SBF2: variants seen among roughly 807,000 people sequenced by gnomAD.
SBF2 encodes SET binding factor 2.
SBF2 carries 112 observed loss-of-function variants against 225.2 expected under a neutral mutation model. The observed-to-expected ratio is 0.50, with a 90% CI of 0.43 to 0.58. SBF2 has a LOEUF of 0.58. Among genes scored for constraint, SBF2 ranks in the 20% least tolerant of loss-of-function variants. The probability of loss-of-function intolerance (pLI) is 0.00; values close to 1 mark genes in which losing one functional copy is unlikely to be tolerated. For missense variants in SBF2, 1,996 were observed against 2,206.2 expected (o/e 0.90, Z 1.91); for synonymous variants, 763 against 773.3 (o/e 0.99, Z 0.22).
At chr11:9,878,172 T>C (rs1178912206) in intron 17 of SBF2, among the ~76,000 whole-genome samples, 1 of 152,244 alleles carries the variant, frequency 6.6e-6, no homozygotes, top group Non-Finnish European at 1.5e-5. Flanking sequence ...TTTTCATGTG[T>C]CTGTTGGCTG....
intron 1 of SBF2, among the ~76,000 whole-genome samples, chr11:10,230,058 C>G (rs1958763748): frequency 1.3e-5 from 2 of 152,188 alleles, no homozygotes; most frequent in South Asian, 4.1e-4. Context: ...ATCCCTTTAC[C>G]ATTATGTAAT....
chr11:10,256,482 T>C (rs975281019), intron 1 of SBF2, among the ~76,000 whole-genome samples: 10 of 152,238 alleles, frequency 6.6e-5, no homozygotes, highest in Non-Finnish European at 1.5e-4. Context: ...CTGATGCCAG[T>C]TCCTGGTCCA....
intron 1 of SBF2, among the ~76,000 whole-genome samples, chr11:10,239,149 A>G (rs1397290512): frequency 6.6e-6 from 1 of 150,636 alleles, no homozygotes; most frequent in Non-Finnish European, 1.5e-5. Flanking sequence ...GTATGTGAAT[A>G]TATATAAACC....
chr11:10,162,312 G>C (rs17359113), intron 2 of SBF2, among the ~76,000 whole-genome samples: 33,587 of 151,938 alleles, frequency 0.22, 4,290 homozygotes, highest in Non-Finnish European at 0.3. Flanking sequence ...GATAACTAGT[G>C]GAACTAACCG....
intron 28 of SBF2, among the ~76,000 whole-genome samples, chr11:9,821,206 C>T (rs1251466377): frequency 1.3e-5 from 2 of 152,106 alleles, no homozygotes; most frequent in East Asian, 3.8e-4. Flanking sequence ...TTCTCGTATC[C>T]ATGCTGAGAG....
chr11:10,089,000 T>C (rs532753820), intron 2 of SBF2, among the ~76,000 whole-genome samples: 193 of 152,298 alleles, frequency 1.3e-3, no homozygotes, highest in Admixed American at 2.7e-3. Context: ...CCATTGCTTA[T>C]GAAAATACTG....
At chr11:9,993,389 T>C (rs1185586380) in intron 10 of SBF2, among the ~76,000 whole-genome samples, 1 of 102,286 alleles carries the variant, frequency 9.8e-6, no homozygotes, top group Admixed American at 1.0e-4. Context: ...TAAGTATATG[T>C]GTTCAGCTCC....
chr11:10,206,620 G>GA (rs1382621766), intron 1 of SBF2, among the ~76,000 whole-genome samples: 2 of 151,886 alleles, frequency 1.3e-5, no homozygotes, highest in Non-Finnish European at 2.9e-5. Context: ...TGAAACAAAT[G>GA]AAAAATAGAA....
At chr11:10,259,704 C>T (rs2135509173) in intron 1 of SBF2, among the ~76,000 whole-genome samples, 1 of 152,112 alleles carries the variant, frequency 6.6e-6, no homozygotes, top group Non-Finnish European at 1.5e-5. Flanking sequence ...CCAGATATAC[C>T]TTATCTAAAG....
At chr11:9,968,034 A>G (rs1232446798) in intron 14 of SBF2, among the ~76,000 whole-genome samples, 1 of 150,334 alleles carries the variant, frequency 6.7e-6, no homozygotes, top group African/African-American at 2.4e-5. Flanking sequence ...TAATGGTTGA[A>G]TGAGTCTGTA....
At chr11:9,929,155 A>T (rs1382187578) in intron 16 of SBF2, 1 of 233,880 alleles carries the variant, frequency 4.3e-6, no homozygotes, top group East Asian at 1.2e-4. Flanking sequence ...ACTACACGAG[A>T]AGGTGCCGAA....
chr11:10,118,693 C>A (rs902798551), intron 2 of SBF2, among the ~76,000 whole-genome samples: 1 of 151,854 alleles, frequency 6.6e-6, no homozygotes, highest in Admixed American at 6.6e-5. Flanking sequence ...TGTACCTGTT[C>A]CCCCCAAAAT....
At chr11:10,134,313 A>C (rs1954244467) in intron 2 of SBF2, among the ~76,000 whole-genome samples, 1 of 152,122 alleles carries the variant, frequency 6.6e-6, no homozygotes, top group South Asian at 2.1e-4. Context: ...TGGGAGCTAC[A>C]ATTCAAGATA....
At chr11:10,284,180 C>T (rs1446693364) in intron 1 of SBF2, among the ~76,000 whole-genome samples, 1 of 152,148 alleles carries the variant, frequency 6.6e-6, no homozygotes, top group Non-Finnish European at 1.5e-5. Flanking sequence ...CCACTGGTGA[C>T]GTCTTGCAAA....
chr11:10,236,449 C>T (rs896977911), intron 1 of SBF2, among the ~76,000 whole-genome samples: 4 of 152,018 alleles, frequency 2.6e-5, no homozygotes, highest in South Asian at 2.1e-4. Flanking sequence ...GACAACAGAG[C>T]GAGTCCGTCT....
intron 16 of SBF2, among the ~76,000 whole-genome samples, chr11:9,917,479 A>C (rs565110185): frequency 3.0e-4 from 45 of 151,416 alleles, no homozygotes; most frequent in East Asian, 2.1e-3. Flanking sequence ...TTACAGGCAC[A>C]CACCACCAGG....
chr11:10,243,220 A>C (rs1168473837), intron 1 of SBF2, among the ~76,000 whole-genome samples: 4 of 152,290 alleles, frequency 2.6e-5, no homozygotes, highest in South Asian at 2.1e-4. Flanking sequence ...TATATTCTGG[A>C]ACAACTAATG....
intron 13 of SBF2, among the ~76,000 whole-genome samples, chr11:9,971,334 A>T (rs1867312974): frequency 2.0e-5 from 3 of 152,078 alleles, no homozygotes. Context: ...TTGTTATATT[A>T]TCTGTCTTCT....
rs983577907 is a variant in SBF2 at position 10,291,697 on chromosome 11, C to G, written c.55+2318G>C. Among the ~76,000 whole-genome samples, 33 of 145,572 alleles carry G rather than the reference C, an allele frequency of 2.3e-4. 2 individuals carry two copies. Among genetic ancestry groups the G allele is most frequent in the Admixed American group, 2.1e-3 (30 of 14,468 alleles). ...ACACACACACACACACACACACACA[C>G]AGACTCCATGTAGATGTCAATAAAT... On this transcript the variant is annotated intron_variant, in intron 1 of 39. Transcript: ENST00000256190.
Sources: gnomAD v4.1 joint callset for allele counts (sites outside exome capture counted in the v4.1 genomes callset) on GRCh38, gnomAD v4.1.1 for gene constraint, MANE v1.5 for transcripts, NCBI Gene and HGNC (gene_info 2026-07-23, HGNC 2026-07-21) for gene names.